Variants in TTN observed in about 807,000 individuals in gnomAD.
The protein encoded by TTN is connectin.
A neutral mutation model predicts 3,223.0 loss-of-function variants in TTN; 1,525 were observed. That is an observed-to-expected ratio of 0.47 (90% CI 0.45 to 0.49). The LOEUF is 0.49. Ranked by LOEUF, TTN falls within the 20% of genes least tolerant of loss-of-function variation. The pLI is 0.00. For synonymous variants in TTN, 14,094 were observed against 15,161.0 expected (o/e 0.93, Z 5.17); for missense variants, 40,786 against 43,424.0 (o/e 0.94, Z 5.40).
At chr2:178,529,742 A>G (rs1173823235) in intron 359 of TTN, among the ~76,000 whole-genome samples, 7 of 152,250 alleles carry the variant, frequency 4.6e-5, no homozygotes, top group Non-Finnish European at 7.3e-5. Context: ...AATACCACAT[A>G]TAACTAGGTA....
chr2:178,679,660 A>T lies in TTN; in HGVS notation c.33603T>A (p.Pro11201=), dbSNP rs781098176. 3 of 1,610,492 alleles carry T rather than the reference A, an allele frequency of 1.9e-6. No individual in the cohort carries two copies. The South Asian group carries it at 3.3e-5, about 18-fold the overall frequency. ...GAACAGGTTTCTTCTCTTCTGGAAC[A>T]GGTTTCCTGGGTACCTCAGGCACTT... ...PVKVPEVPRK[P]VPEEKKPVPV... is the part of the protein sequence containing the mutation. The change falls in exon 141 of 363, where the codon CCT becomes CCA. Residue 11201 remains proline (P), a synonymous_variant. Transcript: ENST00000589042.
At chr2:178,684,878 CTT>C in intron 130 of TTN, 26 bp downstream of exon 130, 2 of 1,572,250 alleles carry the variant, frequency 1.3e-6, no homozygotes, top group Non-Finnish European at 1.7e-6. Context: ...AAAAGACAGT[CTT>C]GAGAATAAAA....
rs772050254 is a variant in TTN, at chr2:178,632,226, T to C, written c.43668A>G (p.Lys14556=). The C allele has an allele frequency of 6.2e-7, 1 of 1,607,686 alleles. No homozygotes were observed. The highest frequency in any genetic ancestry group is 1.7e-5 in the Admixed American group (1 of 59,238). The change falls in exon 236 of 363, where the codon AAA becomes AAG. Residue 14556 remains lysine (K), a synonymous_variant. Coordinates refer to ENST00000589042, the MANE Select transcript of TTN (RefSeq NM_001267550.2). ...GGGAGGTGTCATCAATAGACAGGTC[T>C]TTGAATGTGATCGAATGAGTTTTCC... ...DEGKTHSITF[K]DLSIDDTSQI...
rs1162619325 is a variant in TTN, at chr2:178,556,900, G to A, written c.88254C>T (p.Ser29418=). 6 of 1,613,692 alleles carry A rather than the reference G, an allele frequency of 3.7e-6. No individual in the cohort carries two copies. The highest frequency in any genetic ancestry group is 4.2e-6 in the Non-Finnish European group (5 of 1,179,834). ...FRVFARNAVG[S]ISNPSEVVGP... The stretch of plus-strand genomic sequence containing the variant: ...CTACAACCTCAGATGGATTGCTAAT[G>A]GAACCAACAGCATTCCTAGCAAAGA... The change falls in exon 330 of 363, where the codon TCC becomes TCT. Residue 29418 remains serine (S), a synonymous_variant. Coordinates refer to ENST00000589042, the MANE Select transcript of TTN (RefSeq NM_001267550.2).
intron 150 of TTN, among the ~76,000 whole-genome samples, chr2:178,674,624 A>G (rs964903641): frequency 6.6e-6 from 1 of 151,134 alleles, no homozygotes; most frequent in Non-Finnish European, 1.5e-5. Flanking sequence ...TAAAAAAATT[A>G]TTATTGTTTT....
chr2:178,624,533 G>A lies in TTN; in HGVS notation c.44747C>T (p.Pro14916Leu). Reference protein sequence around the residue: ...VRKLVIHDCTPEDIKTYTCDA... With the variant: ...VRKLVIHDCTLEDIKTYTCDA... Reference sequence around the variant, plus strand: ...ACAAGTGTATGTTTTAATATCCTCTGGGGTACAGTCATGTATAACAAGTTT... The same window carrying A: ...ACAAGTGTATGTTTTAATATCCTCTAGGGTACAGTCATGTATAACAAGTTT... The change falls in exon 242 of 363, where the codon CCA becomes CTA. Residue 14916 changes from proline (P) to leucine (L), a missense_variant. Pro to Leu is a moderately conservative substitution (Grantham distance 98). Transcript: ENST00000589042. The A allele has an allele frequency of 6.2e-7, 1 of 1,612,680 alleles. No homozygotes were observed. Among genetic ancestry groups the A allele is most frequent in the Non-Finnish European group, 8.5e-7 (1 of 1,179,170 alleles).
intron 40 of TTN, among the ~76,000 whole-genome samples, chr2:178,767,107 G>A (rs1238318428): frequency 6.6e-6 from 1 of 152,140 alleles, no homozygotes; most frequent in Non-Finnish European, 1.5e-5. Flanking sequence ...CCTCATTGAA[G>A]CCTTTTTCAT....
At chr2:178,779,164 G>T (rs368388354) in intron 23 of TTN, 46 bp from the exon 24 acceptor site, 11 of 1,612,638 alleles carry the variant, frequency 6.8e-6, no homozygotes, top group African/African-American at 2.7e-5. Context: ...ACATCAAATA[G>T]TTATATTTTA....
rs74894776 is a variant in TTN, at chr2:178,596,749, G to T, written c.57544+789C>A. ...ATTAATTATATTCAACATAGAACTG[G>T]CAATTTTCACATAAAAACTGTGGCT... On this transcript the variant is annotated intron_variant, in intron 294 of 362. Coordinates refer to ENST00000589042, the MANE Select transcript of TTN (RefSeq NM_001267550.2). 5.8e-3 allele frequency among the ~76,000 whole-genome samples: 889 copies of T among 152,038 alleles called. 11 individuals are homozygous for T. The highest frequency in any genetic ancestry group is 0.02 in the African/African-American group (817 of 41,510).
Position 178,559,927 on chromosome 2 carries a change from G to A in TTN, c.86205C>T (p.Asp28735=). ...TCTGAGGGTCAGAGCTATCACTGGGGTCACTAGCACCAACCTTATTGACAG... is the reference window on the plus strand; with the variant it reads ...TCTGAGGGTCAGAGCTATCACTGGGATCACTAGCACCAACCTTATTGACAG... ...VKSVNKVGAS[D]PSDSSDPQIA... is the part of the protein sequence containing the mutation. The change falls in exon 326 of 363, where the codon GAC becomes GAT. Residue 28735 remains aspartate (D), a synonymous_variant. Transcript: ENST00000589042. 1 of 1,613,652 alleles carries A rather than the reference G, an allele frequency of 6.2e-7. No homozygotes were observed. The highest frequency in any genetic ancestry group is 1.7e-5 in the Admixed American group (1 of 59,984).
In TTN at chr2:178,558,030, A is replaced by C; in HGVS notation, c.87324T>G (p.Val29108=). Residue 29108 remains valine (V), a synonymous_variant, in exon 328 of 363, where the codon GTT becomes GTG. Coordinates refer to ENST00000589042, the MANE Select transcript of TTN (RefSeq NM_001267550.2). ...TTTCATATCTCCCAGCGTCAGCTGT[A>C]ACACTTTCTTTGAGATTGATGGTCA... ...ENLTINLKES[V]TADAGRYEIT... is the part of the protein sequence containing the mutation. The C allele has an allele frequency of 6.2e-7, 1 of 1,613,946 alleles. No homozygotes were observed. Among genetic ancestry groups the C allele is most frequent in the South Asian group, 1.1e-5 (1 of 91,078 alleles).
At position 178,779,468 on chromosome 2, in the gene TTN, C is replaced by A. The variant is rs1018613188; in HGVS notation, c.3730-6G>T. Reference sequence around the variant, plus strand: ...AAGGAAGAAATATGGAATTCCTATGCAAAAAGATTATGGTCTGTTAAAAAT... The same window carrying A: ...AAGGAAGAAATATGGAATTCCTATGAAAAAAGATTATGGTCTGTTAAAAAT... On this transcript the variant is annotated splice_polypyrimidine_tract_variant and splice_region_variant and intron_variant, in intron 22 of 362. Transcript: ENST00000589042. 6.8e-7 allele frequency: 1 copy of A among 1,465,662 alleles called. No individual in the cohort carries two copies. Among genetic ancestry groups the A allele is most frequent in the Non-Finnish European group, 9.5e-7 (1 of 1,051,730 alleles). 90.8% of individuals were successfully genotyped at this position (1,465,662 alleles called of 1,614,324 possible). A position where few individuals can be genotyped will look rare whatever the true frequency, so the allele number is the denominator to read the frequency against.
chr2:178,543,870 C>G lies in TTN; in HGVS notation c.96274G>C (p.Gly32092Arg). The change falls in exon 346 of 363, where the codon GGC becomes CGC. Residue 32092 changes from glycine to arginine, a missense_variant. By Grantham distance (125) the Gly-to-Arg change is moderately radical. Coordinates refer to ENST00000589042, the MANE Select transcript of TTN (RefSeq NM_001267550.2). ...ACAAGGACTGTTGCTGATTTCTTGC[C>G]AGATTGGTTTTCAGCTTCAATTGTG... The part of the protein sequence containing the change: ...KYTIEAENQS[G>R]KKSATVLVKV... The G allele has an allele frequency of 1.2e-6, 2 of 1,613,632 alleles. No individual in the cohort carries two copies.
intron 6 of TTN, among the ~76,000 whole-genome samples, chr2:178,798,301 TTTTCA>T (rs1374544465): frequency 1.3e-5 from 2 of 152,114 alleles, no homozygotes; most frequent in African/African-American, 4.8e-5. Context: ...TTTTGTACAT[TTTTCA>T]TTTCATCATA....
Position 178,614,285 on chromosome 2 carries a change from G to C in TTN, c.49112C>G (p.Thr16371Arg). The change falls in exon 262 of 363, where the codon ACA (threonine) becomes AGA (arginine). Residue 16371 changes from threonine (T) to arginine (R), a missense_variant. Physicochemically the swap from Thr to Arg is moderately conservative, Grantham distance 71. Transcript: ENST00000589042. ...TDVTNESCLL[T>R]WNPPRDDGGS... ...ACCATCATCGCGTGGTGGGTTCCATGTTAGAAGACATGACTCATTGGTTAC... is the reference window on the plus strand; with the variant it reads ...ACCATCATCGCGTGGTGGGTTCCATCTTAGAAGACATGACTCATTGGTTAC... 6.2e-7 allele frequency: 1 copy of C among 1,612,702 alleles called. No individual in the cohort carries two copies. The highest frequency in any genetic ancestry group is 1.7e-4 in the Middle Eastern group (1 of 6,052).
chr2:178,633,674 C>A lies in TTN; in HGVS notation c.42685G>T (p.Ala14229Ser), dbSNP rs2060079158. The A allele has an allele frequency of 6.2e-7, 1 of 1,612,282 alleles. No homozygotes were observed. Among genetic ancestry groups the A allele is most frequent in the Middle Eastern group, 1.7e-4 (1 of 6,050 alleles). ...AATTTCACAGTGAAGTAGGGATCGG[C>A]CTCTGTAAAAGACATTTAGCATAAA... Reference protein sequence around the residue: ...SSTAQLKVLEADPYFTVKLHD... With the variant: ...SSTAQLKVLESDPYFTVKLHD... Residue 14229 changes from alanine to serine, a missense_variant and splice_region_variant, in exon 232 of 363, where the codon GCC (alanine) becomes TCC (serine). Physicochemically the swap from Ala to Ser is moderately conservative, Grantham distance 99 (BLOSUM62 1). Coordinates refer to ENST00000589042, the MANE Select transcript of TTN (RefSeq NM_001267550.2).
Position 178,733,854 on chromosome 2 carries a change from C to T in TTN, c.15535G>A (p.Ala5179Thr), listed in dbSNP as rs536853382. The T allele has an allele frequency of 6.2e-7, 1 of 1,606,930 alleles. No individual in the cohort carries two copies. Among genetic ancestry groups the T allele is most frequent in the African/African-American group, 1.3e-5 (1 of 74,824 alleles). ...AGGGTAACGGTTTGTCCTCCTAGTGCAATCAAATCATCTACTTTCTTTACA... is the reference window on the plus strand; with the variant it reads ...AGGGTAACGGTTTGTCCTCCTAGTGTAATCAAATCATCTACTTTCTTTACA... The part of the protein sequence containing the change: ...TFVKKVDDLI[A>T]LGGQTVTLQA... The change falls in exon 53 of 363, where the codon GCA becomes ACA. Residue 5179 changes from alanine to threonine, a missense_variant. Physicochemically the swap from Ala to Thr is moderately conservative, Grantham distance 58. Transcript: ENST00000589042.
chr2:178,774,899 G>A (rs2092022814), intron 29 of TTN, 22 bp downstream of exon 29: 13 of 1,613,056 alleles, frequency 8.1e-6, no homozygotes, highest in Non-Finnish European at 1.1e-5. Flanking sequence ...GGTAAACAAT[G>A]AAATCCTTCG....
rs762901628 is a variant in TTN at position 178,588,001 on chromosome 2, C to T, written c.63406G>A (p.Asp21136Asn). ...VRKEFTVTSL[D>N]ENQEYEFRVC... ...CTGAACTCATATTCCTGGTTTTCATCCAAGCTGGTAACAGTGAATTCCTTG... is the reference window on the plus strand; with the variant it reads ...CTGAACTCATATTCCTGGTTTTCATTCAAGCTGGTAACAGTGAATTCCTTG... The change falls in exon 305 of 363, where the codon GAT (aspartate) becomes AAT (asparagine). Residue 21136 changes from aspartate to asparagine, a missense_variant. Asp to Asn is a conservative substitution (Grantham distance 23). Coordinates refer to ENST00000589042, the MANE Select transcript of TTN (RefSeq NM_001267550.2). The T allele has an allele frequency of 1.2e-6, 2 of 1,612,630 alleles. No homozygotes were observed. The highest frequency in any genetic ancestry group is 8.5e-7 in the Non-Finnish European group (1 of 1,179,344).
Sources: allele counts gnomAD v4.1 joint callset (sites outside exome capture counted in the v4.1 genomes callset), GRCh38; gene constraint gnomAD v4.1.1; transcripts MANE v1.5; gene names NCBI Gene and HGNC (gene_info 2026-07-23, HGNC 2026-07-21).